The following RGS6 variants were observed in gnomAD, a reference collection of about 807,000 sequenced individuals.
The protein encoded by RGS6 is regulator of G-protein signaling 6.
Under a neutral mutation model 78.5 loss-of-function variants are expected in RGS6, and 30 were observed. That is an observed-to-expected ratio of 0.38 (90% CI 0.29 to 0.52). RGS6 has a LOEUF of 0.52. Ranked by LOEUF, RGS6 falls within the 20% of genes least tolerant of loss-of-function variation. The pLI is 0.85. For missense variants in RGS6, 495 were observed against 609.7 expected, an observed-to-expected ratio of 0.81 and a Z score of 1.98; for synonymous variants, 206 against 206.0, an observed-to-expected ratio of 1.00 and a Z score of 0.00.
At chr14:72,547,326 A>C in intron 17 of RGS6, 2 of 1,535,476 alleles carry the variant, frequency 1.3e-6, no homozygotes, top group Admixed American at 3.9e-5. Context: ...GTTCAAAGAG[A>C]AGTCAGAGAG....
At chr14:71,971,914 T>G (rs929445) in intron 2 of RGS6, among the ~76,000 whole-genome samples, 2,817 of 104,132 alleles carry the variant, frequency 0.027, 29 homozygotes, top group Middle Eastern at 0.058. Flanking sequence ...AGGTTTTTTT[T>G]TTTTTTTTTT....
the RGS6 span, among the ~76,000 whole-genome samples, chr14:71,871,581 C>T: frequency 3.3e-5 from 5 of 152,084 alleles, no homozygotes; most frequent in African/African-American, 7.2e-5. Flanking sequence ...CTAAACCAGC[C>T]TCTATTCCTG....
At chr14:72,610,395 C>T in the RGS6 span, among the ~76,000 whole-genome samples, 1 of 152,188 alleles carries the variant, frequency 6.6e-6, no homozygotes, top group African/African-American at 2.4e-5. Flanking sequence ...GGAATCCCAG[C>T]GTTCACAAAT....
intron 2 of RGS6, among the ~76,000 whole-genome samples, chr14:72,017,008 G>A (rs1414920932): frequency 6.6e-6 from 1 of 151,966 alleles, no homozygotes; most frequent in Non-Finnish European, 1.5e-5. Context: ...ACATATCTTT[G>A]TTAAATGTCT....
chr14:72,356,381 A>C (rs1302818016), intron 3 of RGS6, among the ~76,000 whole-genome samples: 4 of 152,146 alleles, frequency 2.6e-5, no homozygotes, highest in Non-Finnish European at 4.4e-5. Context: ...CCAGGATTGT[A>C]AGTTTCCTGA....
intron 2 of RGS6, among the ~76,000 whole-genome samples, chr14:72,239,280 C>T (rs1297988664): frequency 3.9e-5 from 6 of 152,172 alleles, no homozygotes; most frequent in Non-Finnish European, 1.5e-5. Flanking sequence ...TGTATGCATG[C>T]CCATCTGTGG....
the RGS6 span, among the ~76,000 whole-genome samples, chr14:71,923,735 G>C: frequency 6.6e-6 from 1 of 152,078 alleles, no homozygotes; most frequent in Non-Finnish European, 1.5e-5. Flanking sequence ...TCTAGAAAAA[G>C]CGAAACCATA....
At chr14:72,035,233 G>C (rs903804778) in intron 2 of RGS6, among the ~76,000 whole-genome samples, 3 of 152,088 alleles carry the variant, frequency 2.0e-5, no homozygotes, top group African/African-American at 7.2e-5. Flanking sequence ...TTGGTAGATG[G>C]TATGTTTGTA....
intron 2 of RGS6, among the ~76,000 whole-genome samples, chr14:71,981,560 G>A (rs1170291844): frequency 2.0e-5 from 3 of 149,946 alleles, no homozygotes; most frequent in Admixed American, 6.6e-5. Flanking sequence ...GTGCCTCCCA[G>A]TTAGGCCGCT....
chr14:72,601,328 C>T, the RGS6 span, among the ~76,000 whole-genome samples: 3 of 152,038 alleles, frequency 2.0e-5, no homozygotes, highest in Admixed American at 1.3e-4. Context: ...CTTCACCACC[C>T]CCACCCCCGA....
At chr14:71,989,202 G>A (rs1037818958) in intron 2 of RGS6, among the ~76,000 whole-genome samples, 6 of 152,214 alleles carry the variant, frequency 3.9e-5, no homozygotes, top group African/African-American at 7.2e-5. Flanking sequence ...TTCCCATGCC[G>A]CATATGAAGA....
chr14:72,582,150 C>G, the RGS6 span, among the ~76,000 whole-genome samples: 1 of 152,178 alleles, frequency 6.6e-6, no homozygotes, highest in Non-Finnish European at 1.5e-5. Flanking sequence ...GAAGGATCTG[C>G]CCCCAAGACC....
intron 2 of RGS6, among the ~76,000 whole-genome samples, chr14:72,318,212 T>C (rs750519022): frequency 2.0e-5 from 3 of 152,140 alleles, no homozygotes; most frequent in Non-Finnish European, 4.4e-5. Context: ...GAACTTGGAA[T>C]CTGATATTCA....
At chr14:72,628,575 C>T in the RGS6 span, among the ~76,000 whole-genome samples, 5 of 152,050 alleles carry the variant, frequency 3.3e-5, no homozygotes, top group African/African-American at 1.2e-4. Context: ...AAAAGAGAAA[C>T]ATCAGGCATT....
intron 2 of RGS6, among the ~76,000 whole-genome samples, chr14:72,311,953 C>T (rs2068724581): frequency 6.6e-6 from 1 of 152,158 alleles, no homozygotes; most frequent in Non-Finnish European, 1.5e-5. Flanking sequence ...TCTTCATTTT[C>T]TTTAGGCAGC....
chr14:71,868,891 G>C, the RGS6 span, among the ~76,000 whole-genome samples: 1 of 152,198 alleles, frequency 6.6e-6, no homozygotes, highest in African/African-American at 2.4e-5. Flanking sequence ...AAGTGTGGAA[G>C]TTCATGCCCT....
intron 13 of RGS6, among the ~76,000 whole-genome samples, chr14:72,501,102 G>A (rs541014741): frequency 3.3e-5 from 5 of 152,218 alleles, no homozygotes; most frequent in African/African-American, 1.2e-4. Context: ...AATCTCAGGT[G>A]GGCTTTGGAC....
At chr14:72,527,180 G>A (rs1044233451) in intron 15 of RGS6, among the ~76,000 whole-genome samples, 11 of 152,236 alleles carry the variant, frequency 7.2e-5, no homozygotes, top group Admixed American at 7.2e-4. Flanking sequence ...GCTAACAGCA[G>A]TGATAGTGAA....
intron 3 of RGS6, among the ~76,000 whole-genome samples, chr14:72,378,348 A>G (rs191168360): frequency 5.3e-4 from 80 of 152,282 alleles, no homozygotes; most frequent in African/African-American, 1.9e-3. Flanking sequence ...AAGAAATGAT[A>G]AAGATCAGAG....
Sources: allele counts gnomAD v4.1 joint callset (sites outside exome capture counted in the v4.1 genomes callset), GRCh38; gene constraint gnomAD v4.1.1; transcripts MANE v1.5; gene names NCBI Gene and HGNC (gene_info 2026-07-23, HGNC 2026-07-21).